SSH2: variants seen among roughly 807,000 people sequenced by gnomAD.
SSH2 encodes slingshot protein phosphatase 2, also known as protein phosphatase Slingshot homolog 2.
A neutral mutation model predicts 135.2 loss-of-function variants in SSH2; 37 were observed. The observed-to-expected ratio is 0.27, with a 90% CI of 0.21 to 0.36. The LOEUF (loss-of-function observed/expected upper bound fraction) is 0.36. SSH2 is among the 10% of genes least tolerant of loss of function. SSH2 has a pLI of 1.00. For missense variants in SSH2, 1,408 were observed against 1,765.3 expected, an observed-to-expected ratio of 0.80 and a Z score of 3.63; for synonymous variants, 628 against 646.2, an observed-to-expected ratio of 0.97 and a Z score of 0.43.
chr17:29,676,623 C>G, intron 8 of SSH2, 197 bp downstream of exon 8: 1 of 498,898 alleles, frequency 2.0e-6, no homozygotes, highest in South Asian at 2.1e-5. Context: ...CTGAATTTCA[C>G]TTGTTCACCA....
chr17:29,738,647 G>A (rs1007777161), intron 3 of SSH2, among the ~76,000 whole-genome samples: 5 of 151,076 alleles, frequency 3.3e-5, no homozygotes, highest in African/African-American at 1.2e-4. Context: ...TGCGGCTTCC[G>A]GGTTCACACC....
chr17:29,672,240 G>T, intron 8 of SSH2, 111 bp from the exon 9 acceptor site: 1 of 742,364 alleles, frequency 1.3e-6, no homozygotes, highest in South Asian at 2.3e-5. Context: ...TTTGTCCTCT[G>T]GACAATCTAC....
intron 1 of SSH2, among the ~76,000 whole-genome samples, chr17:29,854,127 A>C (rs2065617458): frequency 6.6e-6 from 1 of 151,894 alleles, no homozygotes; most frequent in African/African-American, 2.4e-5. Flanking sequence ...TCTTCAAGGG[A>C]AATTTTGCTT....
In SSH2 at chr17:29,899,382, A is replaced by G. The variant is rs538828054; in HGVS notation, c.63+30556T>C. ...CATGATTGTATGTCTAGAAAACCCC[A>G]TCGTCTCAGCCCAAAATCTCCTTAA... On this transcript the variant is annotated intron_variant, in intron 1 of 15. Transcript: ENST00000540801. Among the ~76,000 whole-genome samples, 496 of 152,330 alleles carry G rather than the reference A, an allele frequency of 3.3e-3. 1 individual carries two copies. The highest frequency in any genetic ancestry group is 0.012 in the African/African-American group (480 of 41,572).
intron 1 of SSH2, among the ~76,000 whole-genome samples, chr17:29,916,696 A>G (rs1361163107): frequency 1.3e-5 from 2 of 152,126 alleles, no homozygotes; most frequent in African/African-American, 4.8e-5. Flanking sequence ...CACCCTCATA[A>G]GGTTTATGTT....
At chr17:29,763,690 T>A (rs537021571) in intron 3 of SSH2, among the ~76,000 whole-genome samples, 2 of 152,248 alleles carry the variant, frequency 1.3e-5, no homozygotes, top group African/African-American at 2.4e-5. Context: ...ATACTTAATA[T>A]CTCTTGCATT....
intron 2 of SSH2, among the ~76,000 whole-genome samples, chr17:29,848,012 G>A (rs1427245391): frequency 1.3e-5 from 2 of 152,158 alleles, no homozygotes; most frequent in South Asian, 2.1e-4. Context: ...GTTCCACAAG[G>A]AGCAGTACTG....
In SSH2 at chr17:29,825,646, T is replaced by C. The variant is rs916144021; in HGVS notation, c.144+23203A>G. ...AATTTCAAGGCCTCAATACTGATAC[T>C]ACATGGCTGCAAATCAGGCTTTTGT... On this transcript the variant is annotated intron_variant, in intron 2 of 15. Transcript: ENST00000540801. Among the ~76,000 whole-genome samples the C allele has an allele frequency of 2.6e-5, 4 of 152,342 alleles. No homozygotes were observed. The East Asian group carries it at 5.8e-4, about 22-fold the overall frequency.
intron 2 of SSH2, among the ~76,000 whole-genome samples, chr17:29,843,906 T>C (rs1473333836): frequency 6.6e-6 from 1 of 152,202 alleles, no homozygotes; most frequent in Non-Finnish European, 1.5e-5. Flanking sequence ...CCATAGAAGC[T>C]GATTATCAAC....
chr17:29,808,983 G>T (rs997455358), intron 2 of SSH2, among the ~76,000 whole-genome samples: 8 of 152,224 alleles, frequency 5.3e-5, no homozygotes, highest in Non-Finnish European at 1.0e-4. Flanking sequence ...GCTGGGAATG[G>T]TGGCTCATGT....
intron 1 of SSH2, among the ~76,000 whole-genome samples, chr17:29,858,927 C>G (rs2151402492): frequency 6.6e-6 from 1 of 152,006 alleles, no homozygotes; most frequent in Middle Eastern, 3.4e-3. Context: ...CACAGATACA[C>G]CCAGAGGAAA....
intron 14 of SSH2, chr17:29,641,819 G>T (rs890248935): frequency 4.6e-5 from 7 of 152,170 alleles, no homozygotes; most frequent in South Asian, 4.1e-4. Context: ...TAAAGGAAAA[G>T]GCTGCTAAAA....
At chr17:29,731,093 C>T (rs751113878) in intron 3 of SSH2, among the ~76,000 whole-genome samples, 1 of 152,120 alleles carries the variant, frequency 6.6e-6, no homozygotes, top group Non-Finnish European at 1.5e-5. Flanking sequence ...GTCTGGGTGC[C>T]TCTGAGTCAG....
intron 12 of SSH2, among the ~76,000 whole-genome samples, chr17:29,651,643 C>T (rs1208639862): frequency 6.6e-6 from 1 of 152,218 alleles, no homozygotes; most frequent in African/African-American, 2.4e-5. Context: ...CTCTCTGAGA[C>T]ATTGCTTCCT....
chr17:29,836,084 G>T (rs1179425953), intron 2 of SSH2, among the ~76,000 whole-genome samples: 1 of 151,802 alleles, frequency 6.6e-6, no homozygotes, highest in African/African-American at 2.4e-5. Context: ...CAGTGTCATG[G>T]TATGAATGCT....
chr17:29,829,870 C>T (rs926725698), intron 2 of SSH2, among the ~76,000 whole-genome samples: 21 of 145,272 alleles, frequency 1.4e-4, no homozygotes, highest in African/African-American at 4.1e-4. Flanking sequence ...GACAGAGTCT[C>T]GCTCTATCGC....
At chr17:29,855,989 C>T (rs1217072991) in intron 1 of SSH2, 2 of 374,478 alleles carry the variant, frequency 5.3e-6, no homozygotes, top group Non-Finnish European at 1.0e-5. Flanking sequence ...ATGTACAGAA[C>T]ATTATCAAGG....
intron 11 of SSH2, among the ~76,000 whole-genome samples, chr17:29,658,240 GA>G (rs2036872926): frequency 1.3e-5 from 2 of 151,694 alleles, no homozygotes; most frequent in Non-Finnish European, 2.9e-5. Flanking sequence ...ATGACCTCAT[GA>G]TCTGCCCACC....
At chr17:29,827,563 ACAGC>A (rs1960952654) in intron 2 of SSH2, among the ~76,000 whole-genome samples, 4 of 152,224 alleles carry the variant, frequency 2.6e-5, no homozygotes, top group Non-Finnish European at 4.4e-5. Context: ...GTAATAGTCA[ACAGC>A]AATAAAAATA....
Sources: allele counts gnomAD v4.1 joint callset (sites outside exome capture counted in the v4.1 genomes callset), GRCh38; gene constraint gnomAD v4.1.1; transcripts MANE v1.5; gene names NCBI Gene and HGNC (gene_info 2026-07-23, HGNC 2026-07-21).